Variants in ABCA3 observed in about 807,000 individuals in gnomAD.
The protein encoded by ABCA3 is phospholipid-transporting ATPase ABCA3.
In ABCA3, 88 loss-of-function variants were observed where a neutral mutation model predicts 172.8. The ratio of observed to expected loss-of-function variants is 0.51; its 90% confidence interval spans 0.43 to 0.61. ABCA3 has a LOEUF of 0.61. Ranked by LOEUF, ABCA3 falls within the 20% of genes least tolerant of loss-of-function variation. The probability of loss-of-function intolerance (pLI) is 0.00; values close to 1 mark genes in which losing one functional copy is unlikely to be tolerated. For missense variants in ABCA3, 2,164 were observed against 2,301.0 expected (o/e 0.94, Z 1.22); for synonymous variants, 1,066 against 983.8 (o/e 1.08, Z -1.56).
At chr16:2,332,698 G>A in intron 1 of ABCA3, 3 of 1,559,708 alleles carry the variant, frequency 1.9e-6, no homozygotes, top group Non-Finnish European at 2.6e-6. Context: ...CACAGCTGTG[G>A]CTGTCTTCTT....
Position 2,278,937 on chromosome 16 carries a change from G to C in ABCA3, c.4547+6C>G. 6.2e-7 allele frequency: 1 copy of C among 1,613,470 alleles called. No homozygotes were observed. Among genetic ancestry groups the C allele is most frequent in the Non-Finnish European group, 8.5e-7 (1 of 1,180,036 alleles). On this transcript the variant is annotated splice_donor_region_variant and intron_variant, in intron 29 of 32. Coordinates refer to ENST00000301732, the MANE Select transcript of ABCA3 (RefSeq NM_001089.3). This position sits in a 1 kb window ranked among gnomAD's most constrained non-coding sequence, Gnocchi z 4.4. ...TCTGGGAAGGGCCAGGGCTCGGGAG[G>C]TGCACCTGTACGTCCTGACCAGCTT...
At chr16:2,280,156 C>T (rs955958794) in intron 28 of ABCA3, among the ~76,000 whole-genome samples, 18 of 152,268 alleles carry the variant, frequency 1.2e-4, no homozygotes, top group African/African-American at 3.9e-4. Flanking sequence ...ATTACATGTA[C>T]TGGGGACTTC....
At chr16:2,327,275 G>A (rs377560416) in intron 3 of ABCA3, among the ~76,000 whole-genome samples, 10 of 152,030 alleles carry the variant, frequency 6.6e-5, no homozygotes, top group East Asian at 3.9e-4. Flanking sequence ...ACCAACACCC[G>A]GCTGGTCTCG....
At chr16:2,292,412 C>T (rs928855040) in intron 18 of ABCA3, among the ~76,000 whole-genome samples, 174 bp from the exon 19 acceptor site, 30 of 152,046 alleles carry the variant, frequency 2.0e-4, no homozygotes, top group African/African-American at 6.8e-4. Flanking sequence ...CCAGTCTAGT[C>T]AACATGGTGA....
At position 2,283,536 on chromosome 16, in the gene ABCA3, A is replaced by C; in HGVS notation, c.3863-178T>G. On this transcript the variant is annotated intron_variant, in intron 25 of 32. Coordinates refer to ENST00000301732, the MANE Select transcript of ABCA3 (RefSeq NM_001089.3). This position sits in a 1 kb window ranked among gnomAD's most constrained non-coding sequence, Gnocchi z 5.4. ...CCTCTCGAGGCACCACAGCTCAGAG[A>C]GGGGCCAGGCACGTAACAATCCAAT... The C allele has an allele frequency of 1.5e-6, 1 of 681,258 alleles. No homozygotes were observed. The highest frequency in any genetic ancestry group is 2.9e-5 in the Admixed American group (1 of 34,234). 42.2% of individuals were successfully genotyped at this position (681,258 alleles called of 1,614,324 possible). A position where few individuals can be genotyped will look rare whatever the true frequency, so the allele number is the denominator to read the frequency against.
intron 19 of ABCA3, among the ~76,000 whole-genome samples, chr16:2,290,001 A>ACC (rs1555487815): frequency 4.7e-4 from 65 of 137,222 alleles, no homozygotes; most frequent in African/African-American, 1.2e-3. Flanking sequence ...ACACACACAC[A>ACC]CCCCTTCCTA....
intron 18 of ABCA3, 89 bp downstream of exon 18, chr16:2,295,501 A>G: frequency 1.9e-6 from 3 of 1,581,318 alleles, no homozygotes; most frequent in Non-Finnish European, 2.6e-6. Flanking sequence ...AGAGGGGCAG[A>G]GCAGGTGCCT....
chr16:2,305,446 G>A (rs323034), intron 11 of ABCA3, among the ~76,000 whole-genome samples: 35,361 of 152,088 alleles, frequency 0.23, 4,491 homozygotes, highest in Non-Finnish European at 0.28. Context: ...ACAGGTGTGC[G>A]CCACCATGCC....
intron 1 of ABCA3, among the ~76,000 whole-genome samples, chr16:2,336,512 C>T (rs1305787863): frequency 1.3e-5 from 2 of 151,352 alleles, no homozygotes; most frequent in South Asian, 2.1e-4. Context: ...CTCACTGCAA[C>T]CTCTGCCTCC....
intron 11 of ABCA3, 85 bp downstream of exon 11, chr16:2,308,365 G>T: frequency 6.5e-7 from 1 of 1,548,814 alleles, no homozygotes; most frequent in Non-Finnish European, 8.9e-7. Flanking sequence ...CCCAGGTGGA[G>T]CCTTGCTGCT....
chr16:2,301,112 T>C (rs1335169237), intron 12 of ABCA3, among the ~76,000 whole-genome samples: 2 of 150,692 alleles, frequency 1.3e-5, no homozygotes, highest in African/African-American at 2.5e-5. Context: ...GCGCCTATAG[T>C]CCCAGCTACT....
chr16:2,305,555 A>G (rs2093696361), intron 11 of ABCA3, among the ~76,000 whole-genome samples: 1 of 152,064 alleles, frequency 6.6e-6, no homozygotes. Flanking sequence ...TCAGCCTCCC[A>G]AAGTGCTGAG....
At chr16:2,326,963 G>A (rs1204001277) in intron 3 of ABCA3, among the ~76,000 whole-genome samples, 1 of 152,050 alleles carries the variant, frequency 6.6e-6, no homozygotes, top group Non-Finnish European at 1.5e-5. Flanking sequence ...CCTCCAGCCT[G>A]GGGGCAACAG....
Position 2,294,839 on chromosome 16 carries a change from C to T in ABCA3, c.2414+751G>A, listed in dbSNP as rs377574747. Reference sequence around the variant, plus strand: ...CTCTACTAAAAATACAAAAATTAGCCGGGTGTGGTGGTGCACGCCTGTAAT... The same window carrying T: ...CTCTACTAAAAATACAAAAATTAGCTGGGTGTGGTGGTGCACGCCTGTAAT... On this transcript the variant is annotated intron_variant, in intron 18 of 32. Coordinates refer to ENST00000301732, the MANE Select transcript of ABCA3 (RefSeq NM_001089.3). Among the ~76,000 whole-genome samples, 5 of 151,796 alleles carry T rather than the reference C, an allele frequency of 3.3e-5. No individual in the cohort carries two copies. In the East Asian group the frequency reaches 5.8e-4, roughly 18 times the overall value.
intron 3 of ABCA3, among the ~76,000 whole-genome samples, chr16:2,327,642 A>C (rs980623821): frequency 3.9e-5 from 6 of 152,214 alleles, no homozygotes; most frequent in African/African-American, 1.4e-4. Flanking sequence ...CCTTGGCCCT[A>C]AAGACCGGCT....
At chr16:2,339,013 C>T (rs997255462) in intron 1 of ABCA3, 5 of 152,264 alleles carry the variant, frequency 3.3e-5, no homozygotes, top group African/African-American at 1.2e-4. Context: ...GCCTCTGCCT[C>T]CCAAAGTGCT....
At chr16:2,312,076 T>A (rs1426498578) in intron 10 of ABCA3, among the ~76,000 whole-genome samples, 1 of 152,206 alleles carries the variant, frequency 6.6e-6, no homozygotes, top group Non-Finnish European at 1.5e-5. Context: ...CATACAATAT[T>A]AAAAAAATTA....
intron 12 of ABCA3, among the ~76,000 whole-genome samples, chr16:2,301,341 G>C (rs554623750): frequency 6.6e-6 from 1 of 152,298 alleles, no homozygotes; most frequent in East Asian, 1.9e-4. Flanking sequence ...CTAACGGTCA[G>C]TGTCATCTTA....
intron 18 of ABCA3, among the ~76,000 whole-genome samples, chr16:2,292,936 C>T (rs893663875): frequency 6.6e-6 from 1 of 152,168 alleles, no homozygotes; most frequent in African/African-American, 2.4e-5. Flanking sequence ...GCCCGGGCAA[C>T]AGAGCAAGAC....
Sources: gnomAD v4.1 joint callset for allele counts (sites outside exome capture counted in the v4.1 genomes callset) on GRCh38, gnomAD v4.1.1 for gene constraint, Gnocchi (gnomAD v3.1) non-coding constraint, MANE v1.5 for transcripts, NCBI Gene and HGNC (gene_info 2026-07-23, HGNC 2026-07-21) for gene names.